Variants in ZNF699 observed in about 807,000 individuals in gnomAD.
ZNF699 encodes the protein zinc finger protein 699.
Under a neutral mutation model 22.5 loss-of-function variants are expected in ZNF699, and 18 were observed. That is an observed-to-expected ratio of 0.80 (90% CI 0.55 to 1.19). The LOEUF is 1.19. ZNF699 is among the 50% of genes most tolerant of loss of function. The pLI, the probability that ZNF699 is intolerant of heterozygous loss-of-function variation, is 0.00. For missense variants in ZNF699, 670 were observed against 763.4 expected (o/e 0.88, Z 1.44); for synonymous variants, 241 against 262.3 (o/e 0.92, Z 0.78).
rs1407589655 is a variant in ZNF699, at chr19:9,302,259, A to G, written c.175+119T>C. Reference sequence around the variant, plus strand: ...TGTAAGTTCCTTGGGGTCAGTGACCATATCTGTCTTACTTACCAATGTCTT... The same window carrying G: ...TGTAAGTTCCTTGGGGTCAGTGACCGTATCTGTCTTACTTACCAATGTCTT... On this transcript the variant is annotated intron_variant, in intron 3 of 5. Coordinates refer to ENST00000591998, the MANE Select transcript of ZNF699 (RefSeq NM_198535.3). 5 of 1,196,208 alleles carry G rather than the reference A, an allele frequency of 4.2e-6. No homozygotes were observed. In the East Asian group the frequency reaches 7.4e-5, roughly 18 times the overall value. 74.1% of individuals were successfully genotyped at this position (1,196,208 alleles called of 1,614,324 possible).
rs2144970524 is a variant in ZNF699, at chr19:9,291,381, G to T, written c.*4094C>A. On this transcript the variant is annotated 3_prime_UTR_variant, in exon 6 of 6. Transcript: ENST00000591998. ...AAAAGTTGGAAGGCTTTCACTACCAGATTTCCAAAAATATTACAAAGCAAC... is the reference window on the plus strand; with the variant it reads ...AAAAGTTGGAAGGCTTTCACTACCATATTTCCAAAAATATTACAAAGCAAC... 1 of 152,240 alleles carries T rather than the reference G, an allele frequency of 6.6e-6. No individual in the cohort carries two copies. The highest frequency in any genetic ancestry group is 2.4e-5 in the African/African-American group (1 of 41,548). The allele number at this position is 152,240 out of a possible 1,614,324, so 9.4% of individuals were successfully genotyped here.
At chr19:9,308,210 G>A (rs1416056109) in intron 1 of ZNF699, among the ~76,000 whole-genome samples, 1 of 151,758 alleles carries the variant, frequency 6.6e-6, no homozygotes, top group Admixed American at 6.6e-5. Context: ...CATTTCCTAG[G>A]CTCAAGCGAT....
intron 1 of ZNF699, among the ~76,000 whole-genome samples, chr19:9,307,888 A>C (rs1401330935): frequency 3.3e-5 from 5 of 151,582 alleles, no homozygotes; most frequent in Admixed American, 3.3e-4. Flanking sequence ...CAGAGGTTGC[A>C]GTGAGCCAAG....
At chr19:9,308,572 G>A (rs553546779) in intron 1 of ZNF699, among the ~76,000 whole-genome samples, 2 of 152,068 alleles carry the variant, frequency 1.3e-5, no homozygotes, top group African/African-American at 4.8e-5. Flanking sequence ...GGGAGGCGGA[G>A]AGCCCATGAG....
rs1437647558 is a variant in ZNF699 at position 9,291,503 on chromosome 19, A to G, written c.*3972T>C. The G allele has an allele frequency of 6.6e-6, 1 of 152,140 alleles. No homozygotes were observed. Among genetic ancestry groups the G allele is most frequent in the Non-Finnish European group, 1.5e-5 (1 of 68,024 alleles). The allele number at this position is 152,140 out of a possible 1,614,324, so 9.4% of individuals were successfully genotyped here. A position where few individuals can be genotyped will look rare whatever the true frequency, so the allele number is the denominator to read the frequency against. On this transcript the variant is annotated 3_prime_UTR_variant, in exon 6 of 6. Coordinates refer to ENST00000591998, the MANE Select transcript of ZNF699 (RefSeq NM_198535.3). ...AGAGGAAACCATGGTCTCTTTGATAAATCTATATACACACACCTTGATCCT... is the reference window on the plus strand; with the variant it reads ...AGAGGAAACCATGGTCTCTTTGATAGATCTATATACACACACCTTGATCCT...
intron 3 of ZNF699, among the ~76,000 whole-genome samples, chr19:9,298,510 G>A (rs935153787): frequency 6.6e-6 from 1 of 151,256 alleles, no homozygotes; most frequent in Non-Finnish European, 1.5e-5. Context: ...CTGATCTAAT[G>A]TTCACACCTA....
Position 9,297,916 on chromosome 19 carries a change from G to T in ZNF699, c.250C>A (p.Leu84Ile). 1 of 1,613,704 alleles carries T rather than the reference G, an allele frequency of 6.2e-7. No individual in the cohort carries two copies. Among genetic ancestry groups the T allele is most frequent in the Non-Finnish European group, 8.5e-7 (1 of 1,179,942 alleles). ...TCTCCCATAAAGATGCCCTGGATAA[G>T]TTCTCTCTTCACTGTCTGCAGGTCC... The part of the protein sequence containing the change: ...EEDLQTVKRE[L>I]IQGIFMGEHR... The change falls in exon 4 of 6, where the codon CTT (leucine) becomes ATT (isoleucine). Residue 84 changes from leucine to isoleucine, a missense_variant. By Grantham distance (5) the Leu-to-Ile change is conservative. Transcript: ENST00000591998. This position sits in a 1 kb window ranked among gnomAD's most constrained non-coding sequence, Gnocchi z 4.3.
intron 1 of ZNF699, among the ~76,000 whole-genome samples, chr19:9,305,944 C>G (rs1177509066): frequency 6.6e-6 from 1 of 151,904 alleles, no homozygotes; most frequent in East Asian, 1.9e-4. Flanking sequence ...CTTCATGATC[C>G]GCCTGCCTCG....
intron 1 of ZNF699, among the ~76,000 whole-genome samples, chr19:9,307,869 C>A (rs539953660): frequency 1.3e-5 from 2 of 151,636 alleles, no homozygotes; most frequent in Non-Finnish European, 2.9e-5. Context: ...ATTGTTTGAA[C>A]CCAGGAGGCA....
intron 1 of ZNF699, among the ~76,000 whole-genome samples, chr19:9,307,914 T>C (rs1195222358): frequency 2.1e-5 from 3 of 144,898 alleles, no homozygotes; most frequent in African/African-American, 7.8e-5. Context: ...GCCACTGCAC[T>C]CCAGCCTGGG....
intron 1 of ZNF699, among the ~76,000 whole-genome samples, chr19:9,307,277 G>A (rs2066330991): frequency 1.3e-5 from 2 of 152,138 alleles, no homozygotes; most frequent in South Asian, 2.1e-4. Flanking sequence ...CTTGGGCAAC[G>A]ATGCTTCCCT....
rs996645384 is a variant in ZNF699 at position 9,309,703 on chromosome 19, C to G, written c.-359G>C. 3.3e-5 allele frequency: 5 copies of G among 152,474 alleles called. No homozygotes were observed. The South Asian group carries it at 1.0e-3, about 31-fold the overall frequency. 9.4% of individuals were successfully genotyped at this position (152,474 alleles called of 1,614,324 possible). On this transcript the variant is annotated 5_prime_UTR_variant, in exon 1 of 6. Coordinates refer to ENST00000591998, the MANE Select transcript of ZNF699 (RefSeq NM_198535.3). ...AGACCGCCGATTCCCAAACCCAGCC[C>G]TCGGTCTCCCGCGGACCCGACCCGG...
intron 5 of ZNF699, 50 bp from the exon 6 acceptor site, chr19:9,296,983 A>G (rs2066289428): frequency 7.1e-7 from 1 of 1,416,260 alleles, no homozygotes; most frequent in African/African-American, 1.4e-5. Context: ...TACCAATTTC[A>G]GTGAATGTAT....
At chr19:9,298,566 A>C (rs985563859) in intron 3 of ZNF699, among the ~76,000 whole-genome samples, 1 of 152,218 alleles carries the variant, frequency 6.6e-6, no homozygotes, top group Non-Finnish European at 1.5e-5. Flanking sequence ...CAACTGGGAC[A>C]TTTTGTTCTC....
Position 9,297,413 on chromosome 19 carries a change from G to T in ZNF699, c.353C>A (p.Ser118Tyr). The change falls in exon 5 of 6, where the codon TCC (serine) becomes TAC (tyrosine). Residue 118 changes from serine to tyrosine, a missense_variant. Physicochemically the swap from Ser to Tyr is moderately radical, Grantham distance 144. Coordinates refer to ENST00000591998, the MANE Select transcript of ZNF699 (RefSeq NM_198535.3). This position sits in a 1 kb window ranked among gnomAD's most constrained non-coding sequence, Gnocchi z 4.3. ...GAATCTTACTATTTTCTGTTCATTG[G>T]ATATTTTTTCTCCACAAATATCTTG... ...ASQDICGEKI[S>Y]NEQKIVRFKR... 1 of 1,598,794 alleles carries T rather than the reference G, an allele frequency of 6.3e-7. No individual in the cohort carries two copies. The highest frequency in any genetic ancestry group is 8.5e-7 in the Non-Finnish European group (1 of 1,176,958).
chr19:9,299,493 A>G (rs2066299462), intron 3 of ZNF699, among the ~76,000 whole-genome samples: 1 of 152,010 alleles, frequency 6.6e-6, no homozygotes, highest in South Asian at 2.1e-4. Flanking sequence ...AGGCTGTAGT[A>G]GTGGTGTGAT....
In ZNF699 at chr19:9,295,721, A is replaced by T; in HGVS notation, c.1683T>A (p.Cys561Ter). 1 of 1,614,104 alleles carries T rather than the reference A, an allele frequency of 6.2e-7. No individual in the cohort carries two copies. Among genetic ancestry groups the T allele is most frequent in the South Asian group, 1.1e-5 (1 of 91,068 alleles). ...RTHTGEKPYE[C>*]KECGKAFRHS... is the part of the protein sequence containing the mutation. The stretch of plus-strand genomic sequence containing the variant: ...GACGAAATGCTTTCCCACATTCCTT[A>T]CATTCATAGGGTTTTTCCCCAGTGT... Residue 561 changes from cysteine to a stop codon, truncating the protein, a stop_gained, in exon 6 of 6, where the codon TGT (cysteine) becomes TGA (stop). Transcript: ENST00000591998. LOFTEE classifies it low-confidence loss of function (END_TRUNC).
Position 9,297,220 on chromosome 19 carries a change from T to G in ZNF699, c.470+76A>C. On this transcript the variant is annotated intron_variant, in intron 5 of 5. Transcript: ENST00000591998. This position sits in a 1 kb window ranked among gnomAD's most constrained non-coding sequence, Gnocchi z 4.3. ...TGATCTAGGCTTATTTATATATACATATTTCTTAAATTTCATGACTTTAAT... is the reference window on the plus strand; with the variant it reads ...TGATCTAGGCTTATTTATATATACAGATTTCTTAAATTTCATGACTTTAAT... The G allele has an allele frequency of 7.2e-7, 1 of 1,391,962 alleles. No individual in the cohort carries two copies. The highest frequency in any genetic ancestry group is 9.8e-7 in the Non-Finnish European group (1 of 1,021,866). The allele number at this position is 1,391,962 out of a possible 1,614,324, so 86.2% of individuals were successfully genotyped here. A position where few individuals can be genotyped will look rare whatever the true frequency, so the allele number is the denominator to read the frequency against.
At chr19:9,300,256 AT>A (rs925524228) in intron 3 of ZNF699, among the ~76,000 whole-genome samples, 1 of 152,040 alleles carries the variant, frequency 6.6e-6, no homozygotes, top group Non-Finnish European at 1.5e-5. Flanking sequence ...AATTTTTTGT[AT>A]TTTTAGTACA....
Sources: allele counts gnomAD v4.1 joint callset (sites outside exome capture counted in the v4.1 genomes callset), GRCh38; gene constraint gnomAD v4.1.1; non-coding constraint Gnocchi (gnomAD v3.1); transcripts MANE v1.5; gene names NCBI Gene and HGNC (gene_info 2026-07-23, HGNC 2026-07-21).